The following ARHGEF9 variants were observed in gnomAD, a reference collection of about 807,000 sequenced individuals.
ARHGEF9 encodes Cdc42 guanine nucleotide exchange factor 9.
Under a neutral mutation model 41.3 loss-of-function variants are expected in ARHGEF9, and 2 were observed. That is an observed-to-expected ratio of 0.05 (90% CI 0.02 to 0.15). ARHGEF9 has a LOEUF of 0.15. Ranked by LOEUF, ARHGEF9 falls within the 10% of genes least tolerant of loss-of-function variation. The pLI is 1.00. For synonymous variants in ARHGEF9, 160 were observed against 154.4 expected, an observed-to-expected ratio of 1.04 and a Z score of -0.27; for missense variants, 225 against 424.7, an observed-to-expected ratio of 0.53 and a Z score of 4.13.
At chrX:63,682,273 G>C (rs1268817746) in intron 4 of ARHGEF9, among the ~76,000 whole-genome samples, 1 of 111,356 alleles carries the variant, frequency 9.0e-6, no homozygotes, top group Non-Finnish European at 1.9e-5. Context: ...CTAGCACTTT[G>C]GGAGGCCGAG....
intron 2 of ARHGEF9, among the ~76,000 whole-genome samples, chrX:63,718,151 C>T (rs1312636114): frequency 9.0e-6 from 1 of 111,147 alleles, no homozygotes; most frequent in Non-Finnish European, 1.9e-5. Flanking sequence ...GCCAGATACC[C>T]TTAGTACTTG....
intron 3 of ARHGEF9, among the ~76,000 whole-genome samples, chrX:63,704,054 C>A (rs1182048952): frequency 1.8e-4 from 20 of 111,504 alleles, no homozygotes; most frequent in South Asian, 3.8e-4. Context: ...ATGGGTTGAC[C>A]ACACAGGCCC....
At chrX:63,655,296 C>A (rs1209913394) in intron 8 of ARHGEF9, among the ~76,000 whole-genome samples, 198 bp downstream of exon 8, 2 of 111,928 alleles carry the variant, frequency 1.8e-5, no homozygotes, top group African/African-American at 6.5e-5. Context: ...GGGAGGACAA[C>A]CTATAGTTCA....
intron 2 of ARHGEF9, among the ~76,000 whole-genome samples, chrX:63,723,985 C>T (rs1344884880): frequency 8.9e-6 from 1 of 112,175 alleles, no homozygotes; most frequent in African/African-American, 3.2e-5. Flanking sequence ...TCAGTAAGCT[C>T]TAGCGCCTGG....
At chrX:63,737,900 G>GT (rs782669728) in intron 1 of ARHGEF9, among the ~76,000 whole-genome samples, 14 of 112,132 alleles carry the variant, frequency 1.2e-4, no homozygotes, top group African/African-American at 4.2e-4. Context: ...GTCCAGTGGG[G>GT]TTTTTTTCCT....
At chrX:63,668,798 G>C (rs2049753407) in intron 6 of ARHGEF9, among the ~76,000 whole-genome samples, 1 of 111,986 alleles carries the variant, frequency 8.9e-6, no homozygotes, top group Admixed American at 9.5e-5. Flanking sequence ...CCAAAACCAG[G>C]GTCAAAGAAA....
intron 6 of ARHGEF9, among the ~76,000 whole-genome samples, chrX:63,666,453 TACACACACAC>T (rs782805278): frequency 1.4e-4 from 11 of 81,259 alleles, no homozygotes; most frequent in South Asian, 1.6e-3. Flanking sequence ...TATATATACA[TACACACACAC>T]ACACACACAC....
At chrX:63,694,409 G>A (rs1478853998) in intron 4 of ARHGEF9, among the ~76,000 whole-genome samples, 13 of 112,050 alleles carry the variant, frequency 1.2e-4, no homozygotes, top group Non-Finnish European at 2.4e-4. Context: ...TATTGTACTA[G>A]AATGTTCATA....
intron 1 of ARHGEF9, among the ~76,000 whole-genome samples, chrX:63,776,634 C>T (rs2056297484): frequency 8.9e-6 from 1 of 111,781 alleles, no homozygotes; most frequent in Admixed American, 9.5e-5. Context: ...CCAACTTGGA[C>T]ATTATAGCTC....
intron 2 of ARHGEF9, among the ~76,000 whole-genome samples, chrX:63,717,479 T>C (rs782149536): frequency 1.9e-4 from 21 of 111,711 alleles, no homozygotes; most frequent in South Asian, 3.8e-4. Context: ...CACTCACACA[T>C]AGCAGCAACA....
rs1602254032 is a variant in ARHGEF9, at chrX:63,655,690, C to T, written c.1125G>A (p.Met375Ile). 8.3e-7 allele frequency: 1 copy of T among 1,210,150 alleles called. No homozygotes were observed. The highest frequency in any genetic ancestry group is 1.8e-5 in the South Asian group (1 of 56,913). ...DILYYKGRID[M>I]DKYEVVDIED... ...CAATGTCAACTACCTCATATTTATC[C>T]ATGTCAATGCGGCCTTTGTAGTACA... is the stretch of plus-strand genomic sequence containing the variant. The change falls in exon 8 of 10, where the codon ATG becomes ATA. Residue 375 changes from methionine (M) to isoleucine (I), a missense_variant. Transcript: ENST00000671741.
intron 8 of ARHGEF9, 73 bp from the exon 9 acceptor site, chrX:63,644,121 T>A: frequency 1.4e-6 from 1 of 740,622 alleles, no homozygotes; most frequent in South Asian, 3.7e-5. Context: ...TGAGTAAACT[T>A]TTCTGTAAGA....
At chrX:63,656,708 A>C (rs1445069141) in intron 7 of ARHGEF9, 1 of 111,613 alleles carries the variant, frequency 9.0e-6, no homozygotes, top group East Asian at 2.8e-4. Context: ...TGTATGTAGA[A>C]AATTATAAAG....
chrX:63,754,327 G>C (rs1556444524), intron 1 of ARHGEF9: 2 of 1,210,566 alleles, frequency 1.7e-6, no homozygotes, highest in South Asian at 1.8e-5. Flanking sequence ...ATCACAGCGA[G>C]GCCATGTTGA....
At chrX:63,638,463 T>C in intron 9 of ARHGEF9, 2 of 415,448 alleles carry the variant, frequency 4.8e-6, no homozygotes, top group Non-Finnish European at 4.2e-6. Context: ...CTATAATCTG[T>C]TTTACAGGTG....
At chrX:63,711,829 A>G (rs1340748069) in intron 2 of ARHGEF9, among the ~76,000 whole-genome samples, 2 of 112,617 alleles carry the variant, frequency 1.8e-5, no homozygotes, top group Admixed American at 9.4e-5. Context: ...TACAAATGAT[A>G]CCATCAATAA....
At chrX:63,704,509 A>G (rs2052400459) in intron 3 of ARHGEF9, among the ~76,000 whole-genome samples, 1 of 111,937 alleles carries the variant, frequency 8.9e-6, no homozygotes, top group Non-Finnish European at 1.9e-5. Flanking sequence ...CATGTAGCAC[A>G]TTCCGAGGGG....
chrX:63,726,576 G>C (rs1280410429), intron 1 of ARHGEF9: 1 of 111,394 alleles, frequency 9.0e-6, no homozygotes, highest in Non-Finnish European at 1.9e-5. Flanking sequence ...CTGACCTCAA[G>C]TGATCTGCCC....
At chrX:63,770,349 C>G (rs1219101282) in intron 1 of ARHGEF9, among the ~76,000 whole-genome samples, 1 of 112,431 alleles carries the variant, frequency 8.9e-6, no homozygotes, top group East Asian at 2.8e-4. Flanking sequence ...GGGCCTGGAG[C>G]CCCTTTGTTT....
Sources: allele counts gnomAD v4.1 joint callset (sites outside exome capture counted in the v4.1 genomes callset), GRCh38; gene constraint gnomAD v4.1.1; transcripts MANE v1.5; gene names NCBI Gene and HGNC (gene_info 2026-07-23, HGNC 2026-07-21).